PPP4R1: variants seen among roughly 807,000 people sequenced by gnomAD.
PPP4R1 encodes the protein serine/threonine-protein phosphatase 4 regulatory subunit 1.
In PPP4R1, 42 loss-of-function variants were observed where a neutral mutation model predicts 111.2. The observed-to-expected ratio is 0.38, with a 90% CI of 0.29 to 0.49. PPP4R1 has a LOEUF of 0.49. Ranked by LOEUF, PPP4R1 falls within the 20% of genes least tolerant of loss-of-function variation. The probability of loss-of-function intolerance (pLI) is 0.97; values close to 1 mark genes in which losing one functional copy is unlikely to be tolerated. For synonymous variants in PPP4R1, 409 were observed against 405.5 expected (o/e 1.01, Z -0.10); for missense variants, 1,012 against 1,161.6 (o/e 0.87, Z 1.87).
intron 9 of PPP4R1, among the ~76,000 whole-genome samples, chr18:9,579,960 C>T (rs1317084750): frequency 6.6e-6 from 1 of 152,128 alleles, no homozygotes; most frequent in Admixed American, 6.5e-5. Flanking sequence ...TATCCATATT[C>T]TCAAATTAAC....
chr18:9,592,567 A>AT (rs570314587), intron 4 of PPP4R1, among the ~76,000 whole-genome samples: 82 of 152,184 alleles, frequency 5.4e-4, no homozygotes, highest in Non-Finnish European at 9.7e-4. Context: ...GGTATAGAGT[A>AT]TGTACTGTTT....
chr18:9,569,453 C>T lies in PPP4R1; in HGVS notation c.1573+704G>A, dbSNP rs538005355. Reference sequence around the variant, plus strand: ...TAGTCTTTCCATAAAAGAATGACTGCGTGTACTGCTATCTTATAAAAAGGT... The same window carrying T: ...TAGTCTTTCCATAAAAGAATGACTGTGTGTACTGCTATCTTATAAAAAGGT... On this transcript the variant is annotated intron_variant, in intron 11 of 19. Coordinates refer to ENST00000400556, the MANE Select transcript of PPP4R1 (RefSeq NM_001042388.3). Among the ~76,000 whole-genome samples, 23 of 152,106 alleles carry T rather than the reference C, an allele frequency of 1.5e-4. No individual in the cohort carries two copies. The East Asian group carries it at 3.5e-3, about 23-fold the overall frequency.
rs767208074 is a variant in PPP4R1, at chr18:9,583,245, T to C, written c.790A>G (p.Asn264Asp). 2.8e-5 allele frequency: 45 copies of C among 1,595,616 alleles called. No homozygotes were observed. Among genetic ancestry groups the C allele is most frequent in the Non-Finnish European group, 3.7e-5 (43 of 1,168,344 alleles). ...CAAGCCTTTCGGACTCCCCATACAT[T>C]ATCAGAACAAAGCTGGAAAAATCTG... ...LPRFFQLCSD[N>D]VWGVRKACAE... is the part of the protein sequence containing the mutation. Residue 264 changes from asparagine to aspartate, a missense_variant, in exon 9 of 20, where the codon AAT (asparagine) becomes GAT (aspartate). Asn to Asp is a conservative substitution (Grantham distance 23, BLOSUM62 1). Transcript: ENST00000400556.
In PPP4R1 at chr18:9,550,135, C is replaced by T; in HGVS notation, c.2464G>A (p.Val822Met). 6.2e-7 allele frequency: 1 copy of T among 1,614,220 alleles called. No individual in the cohort carries two copies. The highest frequency in any genetic ancestry group is 1.1e-5 in the South Asian group (1 of 91,086). Residue 822 changes from valine to methionine, a missense_variant, in exon 18 of 20, where the codon GTG becomes ATG. Val to Met is a conservative substitution (Grantham distance 21, BLOSUM62 1). This residue lies in a region of PPP4R1 where 305 missense variants were observed against 419.5 expected (regional missense o/e 0.73). Coordinates refer to ENST00000400556, the MANE Select transcript of PPP4R1 (RefSeq NM_001042388.3). The stretch of plus-strand genomic sequence containing the variant: ...TCCACAAGCTCATTGATGAGGTCCA[C>T]TCCGAACGTTGGTGGTGTTGCCGCG... ...LHAATPPTFG[V>M]DLINELVENF...
chr18:9,593,118 G>A (rs945115733), intron 4 of PPP4R1, among the ~76,000 whole-genome samples: 13 of 152,000 alleles, frequency 8.6e-5, no homozygotes, highest in African/African-American at 3.1e-4. Flanking sequence ...CTTTAATAAA[G>A]ATAATAGATT....
intron 13 of PPP4R1, among the ~76,000 whole-genome samples, chr18:9,560,677 A>C (rs12608310): frequency 2.0e-5 from 3 of 152,152 alleles, no homozygotes; most frequent in Non-Finnish European, 2.9e-5. Context: ...TGTTTTGAAT[A>C]CTGATTTCAT....
chr18:9,556,001 A>C (rs1331155921), intron 15 of PPP4R1, among the ~76,000 whole-genome samples: 2 of 80,050 alleles, frequency 2.5e-5, no homozygotes, highest in Non-Finnish European at 5.7e-5. Context: ...AACAAACAAA[A>C]AAACACAAAA....
chr18:9,571,068 G>A (rs959051975), intron 10 of PPP4R1, among the ~76,000 whole-genome samples: 1 of 152,082 alleles, frequency 6.6e-6, no homozygotes, highest in African/African-American at 2.4e-5. Flanking sequence ...TTTATTTTTA[G>A]GGTTATTTGT....
chr18:9,611,923 A>C (rs1296217455), intron 2 of PPP4R1, among the ~76,000 whole-genome samples: 1 of 152,224 alleles, frequency 6.6e-6, no homozygotes, highest in East Asian at 1.9e-4. Context: ...AGGCAGGAGA[A>C]TCACTTGAAC....
At chr18:9,587,403 T>G (rs958091980) in intron 6 of PPP4R1, 9 of 144,668 alleles carry the variant, frequency 6.2e-5, no homozygotes, top group African/African-American at 2.4e-4. Flanking sequence ...TCTTTTTTTT[T>G]TTTTGTTTTG....
chr18:9,605,594 A>AG (rs2067467411), intron 2 of PPP4R1, among the ~76,000 whole-genome samples: 1 of 135,044 alleles, frequency 7.4e-6, no homozygotes, highest in African/African-American at 2.7e-5. Flanking sequence ...AAAAAAAAAA[A>AG]AGGAAAGAAT....
In PPP4R1 at chr18:9,557,346, C is replaced by T. The variant is rs754706117; in HGVS notation, c.2065G>A (p.Glu689Lys). ...TGATCTCCAAGAATAACTGCAAGCT[C>T]GTGGATGGAGAATGCTAGAGTTCGT... is the stretch of plus-strand genomic sequence containing the variant. ...VRRTLAFSIHELAVILGDQLT... is the reference protein window; with the variant it reads ...VRRTLAFSIHKLAVILGDQLT... Residue 689 changes from glutamate to lysine, a missense_variant, in exon 15 of 20, where the codon GAG becomes AAG. Physicochemically the swap from Glu to Lys is moderately conservative, Grantham distance 56 (BLOSUM62 1). Around this residue, in one of 2 missense-constraint regions of PPP4R1, gnomAD observed 305 missense variants for 419.5 expected, o/e 0.73. Coordinates refer to ENST00000400556, the MANE Select transcript of PPP4R1 (RefSeq NM_001042388.3). The T allele has an allele frequency of 3.0e-5, 48 of 1,605,484 alleles. No homozygotes were observed. Among genetic ancestry groups the T allele is most frequent in the Non-Finnish European group, 3.9e-5 (46 of 1,177,918 alleles).
In PPP4R1 at chr18:9,598,165, A is replaced by T. The variant is rs144673832; in HGVS notation, c.53-3012T>A. Among the ~76,000 whole-genome samples, 552 of 152,340 alleles carry T rather than the reference A, an allele frequency of 3.6e-3. 6 individuals carry two copies. Among genetic ancestry groups the T allele is most frequent in the African/African-American group, 0.011 (466 of 41,576 alleles). ...AAAAATATGGGGGAGGAAGAGAATT[A>T]AGCATCAATCAATTGTAGGAAAACT... On this transcript the variant is annotated intron_variant, in intron 2 of 19. Transcript: ENST00000400556.
chr18:9,579,145 C>T (rs2066985423), intron 9 of PPP4R1, among the ~76,000 whole-genome samples: 1 of 152,154 alleles, frequency 6.6e-6, no homozygotes, highest in Non-Finnish European at 1.5e-5. Context: ...GGACTGAAGT[C>T]CAATTTTAAC....
rs1415052137 is a variant in PPP4R1 at position 9,547,228 on chromosome 18, T to A, written c.*561A>T. On this transcript the variant is annotated 3_prime_UTR_variant, in exon 20 of 20. Coordinates refer to ENST00000400556, the MANE Select transcript of PPP4R1 (RefSeq NM_001042388.3). ...CTACTTGTGTTGGCATCAGGTCCTT[T>A]AGGAGATGTAAAAACCCCTCCTTTC... 1 of 153,692 alleles carries A rather than the reference T, an allele frequency of 6.5e-6. No homozygotes were observed. Among genetic ancestry groups the A allele is most frequent in the Non-Finnish European group, 1.5e-5 (1 of 68,788 alleles). The allele number at this position is 153,692 out of a possible 1,614,324, so 9.5% of individuals were successfully genotyped here.
intron 10 of PPP4R1, among the ~76,000 whole-genome samples, chr18:9,571,952 T>C (rs1012393069): frequency 3.3e-5 from 5 of 152,058 alleles, no homozygotes; most frequent in African/African-American, 9.7e-5. Flanking sequence ...AGAGGTAAGA[T>C]AGGAGGCAGG....
intron 6 of PPP4R1, chr18:9,587,298 A>G (rs188836625): frequency 3.9e-5 from 6 of 152,044 alleles, no homozygotes; most frequent in Admixed American, 3.9e-4. Flanking sequence ...TTTCCTTTGT[A>G]AGCCTTTATG....
At chr18:9,580,443 A>T (rs980729459) in intron 9 of PPP4R1, among the ~76,000 whole-genome samples, 8 of 150,120 alleles carry the variant, frequency 5.3e-5, no homozygotes, top group Non-Finnish European at 1.0e-4. Context: ...TCCGCCTCCC[A>T]GGTTCACGCC....
intron 7 of PPP4R1, 26 bp downstream of exon 7, chr18:9,584,695 G>A (rs553488050): frequency 6.2e-7 from 1 of 1,608,632 alleles, no homozygotes; most frequent in South Asian, 1.1e-5. Context: ...TTCTTAAACA[G>A]CAGAAAAAAA....
Sources: gnomAD v4.1 joint callset for allele counts (sites outside exome capture counted in the v4.1 genomes callset) on GRCh38, gnomAD v4.1.1 for gene constraint, gnomAD v4.1.1 regional missense constraint, MANE v1.5 for transcripts, NCBI Gene and HGNC (gene_info 2026-07-23, HGNC 2026-07-21) for gene names.